ARHGAP35: variants seen among roughly 807,000 people sequenced by gnomAD.
ARHGAP35 encodes rho GTPase-activating protein 35.
ARHGAP35 carries 15 observed loss-of-function variants against 111.1 expected under a neutral mutation model. The observed-to-expected ratio is 0.13, with a 90% CI of 0.09 to 0.21. The LOEUF is 0.21. ARHGAP35 is among the 10% of genes least tolerant of loss of function. The pLI, the probability that ARHGAP35 is intolerant of heterozygous loss-of-function variation, is 1.00. For missense variants in ARHGAP35, 1,262 were observed against 1,873.0 expected (o/e 0.67, Z 6.02); for synonymous variants, 643 against 710.3 (o/e 0.91, Z 1.51).
Position 46,920,516 on chromosome 19 carries a change from A to C in ARHGAP35, c.1841A>C (p.Asn614Thr), listed in dbSNP as rs2056192251. The C allele has an allele frequency of 6.2e-7, 1 of 1,613,902 alleles. No homozygotes were observed. Among genetic ancestry groups the C allele is most frequent in the African/African-American group, 1.3e-5 (1 of 74,944 alleles). Residue 614 changes from asparagine to threonine, a missense_variant, in exon 2 of 7, where the codon AAT (asparagine) becomes ACT (threonine). Physicochemically the swap from Asn to Thr is moderately conservative, Grantham distance 65. This residue lies in a region of ARHGAP35 where 37 missense variants were observed against 83.9 expected (regional missense o/e 0.44). Coordinates refer to ENST00000672722, the MANE Select transcript of ARHGAP35 (RefSeq NM_004491.5). This position sits in a 1 kb window ranked among gnomAD's most constrained non-coding sequence, Gnocchi z 7.0. ...GKDGLARELA[N>T]EIRALCTNDD... ...GACGGCCTTGCCCGAGAGTTGGCCAATGAGATTCGAGCTCTTTGTACAAAT... is the reference window on the plus strand; with the variant it reads ...GACGGCCTTGCCCGAGAGTTGGCCACTGAGATTCGAGCTCTTTGTACAAAT...
chr19:46,928,388 T>C (rs1345022123), intron 2 of ARHGAP35, among the ~76,000 whole-genome samples: 1 of 152,224 alleles, frequency 6.6e-6, no homozygotes, highest in Non-Finnish European at 1.5e-5. Context: ...GAATCACCTT[T>C]GCTTATAAGG....
At chr19:46,897,533 G>A (rs957197826) in intron 1 of ARHGAP35, among the ~76,000 whole-genome samples, 11 of 150,650 alleles carry the variant, frequency 7.3e-5, no homozygotes, top group African/African-American at 9.8e-5. Flanking sequence ...TTAAGACTTA[G>A]AGATTTGTCT....
intron 1 of ARHGAP35, among the ~76,000 whole-genome samples, chr19:46,904,963 G>A (rs2056099079): frequency 6.6e-6 from 1 of 152,194 alleles, no homozygotes; most frequent in South Asian, 2.1e-4. Context: ...CGAGAGCTGG[G>A]GGTGGTGTCA....
At chr19:46,981,827 GTT>G (rs2056621973) in intron 3 of ARHGAP35, among the ~76,000 whole-genome samples, 1 of 13,888 alleles carries the variant, frequency 7.2e-5, no homozygotes, top group Non-Finnish European at 1.3e-4. Flanking sequence ...ATTTTTTGGT[GTT>G]TTGTTTTGTT....
chr19:46,893,486 T>C (rs1333469578), intron 1 of ARHGAP35, among the ~76,000 whole-genome samples: 7 of 152,166 alleles, frequency 4.6e-5, no homozygotes, highest in African/African-American at 1.7e-4. Flanking sequence ...AGCCTTAAAA[T>C]GCTGTGATTC....
rs371941437 is a variant in ARHGAP35 at position 46,921,665 on chromosome 19, G to C, written c.2990G>C (p.Arg997Pro). The change falls in exon 2 of 7, where the codon CGA (arginine) becomes CCA (proline). Residue 997 changes from arginine (R) to proline (P), a missense_variant. By Grantham distance (103) the Arg-to-Pro change is moderately radical. Coordinates refer to ENST00000672722, the MANE Select transcript of ARHGAP35 (RefSeq NM_004491.5). The surrounding 1 kb of genome is among the most constrained non-coding windows in gnomAD (Gnocchi z 4.3). Reference sequence around the variant, plus strand: ...ATCGAGCCATCTTACAGCCTGTTTCGAGAAGACACATCACTGCCTTCTCTG... The same window carrying C: ...ATCGAGCCATCTTACAGCCTGTTTCCAGAAGACACATCACTGCCTTCTCTG... ...EDIEPSYSLF[R>P]EDTSLPSLSK... 6.4e-5 allele frequency: 104 copies of C among 1,613,782 alleles called. No homozygotes were observed. Among genetic ancestry groups the C allele is most frequent in the South Asian group, 5.2e-4 (47 of 91,074 alleles).
Position 46,986,368 on chromosome 19 carries a change from T to C in ARHGAP35, c.3827-1621T>C, listed in dbSNP as rs2122332631. Among the ~76,000 whole-genome samples the C allele has an allele frequency of 6.6e-6, 1 of 152,324 alleles. No homozygotes were observed. Among genetic ancestry groups the C allele is most frequent in the African/African-American group, 2.4e-5 (1 of 41,548 alleles). On this transcript the variant is annotated intron_variant, in intron 3 of 6. Transcript: ENST00000672722. The surrounding 1 kb of genome is among the most constrained non-coding windows in gnomAD (Gnocchi z 4.3). ...ATTTTATTCTAACTTACGTATTTAA[T>C]TGACTTTTACTACTTTTTTTCTTGT... is the stretch of plus-strand genomic sequence containing the variant.
At chr19:46,894,181 A>C (rs1003007716) in intron 1 of ARHGAP35, among the ~76,000 whole-genome samples, 1 of 152,144 alleles carries the variant, frequency 6.6e-6, no homozygotes, top group Non-Finnish European at 1.5e-5. Flanking sequence ...GATTTCAAGG[A>C]AAATTATTTT....
intron 3 of ARHGAP35, among the ~76,000 whole-genome samples, chr19:46,966,608 A>G (rs1021436174): frequency 5.3e-5 from 8 of 152,158 alleles, no homozygotes; most frequent in African/African-American, 1.2e-4. Flanking sequence ...TTTCAAAGTC[A>G]TGACACCTCT....
At chr19:46,996,876 G>A (rs2056712145) in intron 5 of ARHGAP35, among the ~76,000 whole-genome samples, 1 of 152,064 alleles carries the variant, frequency 6.6e-6, no homozygotes, top group Non-Finnish European at 1.5e-5. Flanking sequence ...GTGTGCCCAT[G>A]GCCGGGTGCG....
chr19:46,959,420 A>T (rs895602182), intron 3 of ARHGAP35, among the ~76,000 whole-genome samples: 2 of 150,570 alleles, frequency 1.3e-5, no homozygotes, highest in African/African-American at 4.9e-5. Flanking sequence ...TTTTTGAGAC[A>T]AGAGTTTCAC....
intron 2 of ARHGAP35, among the ~76,000 whole-genome samples, chr19:46,932,137 C>T (rs996998251): frequency 2.0e-5 from 3 of 152,184 alleles, no homozygotes; most frequent in African/African-American, 7.2e-5. Context: ...CAAAAACTTG[C>T]TGGGCATGGT....
chr19:46,886,196 C>T (rs2055992571), intron 1 of ARHGAP35, among the ~76,000 whole-genome samples: 2 of 152,176 alleles, frequency 1.3e-5, no homozygotes, highest in Admixed American at 1.3e-4. Flanking sequence ...GTTGAATTAG[C>T]ATCAGGTCTT....
intron 1 of ARHGAP35, among the ~76,000 whole-genome samples, chr19:46,868,355 T>G (rs1418762714): frequency 1.3e-5 from 2 of 152,150 alleles, no homozygotes; most frequent in African/African-American, 4.8e-5. Context: ...CTTAAGGAAT[T>G]TATGGTCAAT....
chr19:46,864,490 G>T (rs1309770105), intron 1 of ARHGAP35, among the ~76,000 whole-genome samples: 1 of 152,138 alleles, frequency 6.6e-6, no homozygotes, highest in Admixed American at 6.5e-5. Flanking sequence ...TCTTAACTGT[G>T]CTATGATCAA....
intron 1 of ARHGAP35, among the ~76,000 whole-genome samples, chr19:46,862,827 C>T (rs1031686390): frequency 6.6e-6 from 1 of 152,154 alleles, no homozygotes; most frequent in African/African-American, 2.4e-5. Context: ...ATTCAGCCCT[C>T]ACCCTTCACT....
At chr19:46,973,603 A>G (rs1224413879) in intron 3 of ARHGAP35, among the ~76,000 whole-genome samples, 1 of 151,714 alleles carries the variant, frequency 6.6e-6, no homozygotes, top group South Asian at 2.1e-4. Context: ...AGGCAGGAGA[A>G]TGGCGTGAAC....
Position 46,994,411 on chromosome 19 carries a change from G to T in ARHGAP35, c.4036+4736G>T, listed in dbSNP as rs1655666797. 6.6e-6 allele frequency among the ~76,000 whole-genome samples: 1 copy of T among 152,206 alleles called. No homozygotes were observed. Among genetic ancestry groups the T allele is most frequent in the Non-Finnish European group, 1.5e-5 (1 of 68,034 alleles). ...CCTTCGGCAGCACCATAGGGTAGAA[G>T]GTGTCCAGGGTGCACGGGCTGGGCT... On this transcript the variant is annotated intron_variant, in intron 5 of 6. Coordinates refer to ENST00000672722, the MANE Select transcript of ARHGAP35 (RefSeq NM_004491.5). This position sits in a 1 kb window ranked among gnomAD's most constrained non-coding sequence, Gnocchi z 5.4.
chr19:46,957,907 G>T (rs936875488), intron 3 of ARHGAP35, among the ~76,000 whole-genome samples: 7 of 152,172 alleles, frequency 4.6e-5, no homozygotes, highest in Non-Finnish European at 1.0e-4. Flanking sequence ...GAAGGAGGGA[G>T]ATTTCTTATG....
Sources: gnomAD v4.1 joint callset for allele counts (sites outside exome capture counted in the v4.1 genomes callset) on GRCh38, gnomAD v4.1.1 for gene constraint, gnomAD v4.1.1 regional missense constraint, Gnocchi (gnomAD v3.1) non-coding constraint, MANE v1.5 for transcripts, NCBI Gene and HGNC (gene_info 2026-07-23, HGNC 2026-07-21) for gene names.